The following GABRG3 variants were observed in gnomAD, a reference collection of about 807,000 sequenced individuals.
GABRG3 encodes gamma-aminobutyric acid type A receptor subunit gamma3.
Under a neutral mutation model 48.8 loss-of-function variants are expected in GABRG3, and 25 were observed. That is an observed-to-expected ratio of 0.51 (90% CI 0.37 to 0.72). The LOEUF (loss-of-function observed/expected upper bound fraction) is 0.72. GABRG3 is among the 30% of genes least tolerant of loss of function. The pLI, the probability that GABRG3 is intolerant of heterozygous loss-of-function variation, is 0.00. For synonymous variants in GABRG3, 227 were observed against 217.6 expected (o/e 1.04, Z -0.38); for missense variants, 394 against 577.9 (o/e 0.68, Z 3.26).
chr15:27,403,465 G>C (rs1052582392), intron 5 of GABRG3, among the ~76,000 whole-genome samples: 1 of 152,132 alleles, frequency 6.6e-6, no homozygotes, highest in Admixed American at 6.5e-5. Flanking sequence ...AACACACCTA[G>C]GTAATCAGCT....
intron 6 of GABRG3, 160 bp downstream of exon 6, chr15:27,480,947 T>C: frequency 7.1e-7 from 1 of 1,417,804 alleles, no homozygotes; most frequent in Non-Finnish European, 9.2e-7. Flanking sequence ...TTTTCATGTT[T>C]TAATTGGTAT....
chr15:27,201,328 A>C (rs969182179), intron 3 of GABRG3, among the ~76,000 whole-genome samples: 1 of 150,568 alleles, frequency 6.6e-6, no homozygotes, highest in Non-Finnish European at 1.5e-5. Context: ...ACCCGATGCC[A>C]GTGGGGCATG....
intron 3 of GABRG3, among the ~76,000 whole-genome samples, chr15:27,083,409 T>C (rs1331842792): frequency 6.6e-6 from 1 of 150,766 alleles, no homozygotes; most frequent in Non-Finnish European, 1.5e-5. Context: ...CTCTGTTCAC[T>C]GCAACCTCCG....
chr15:27,360,235 C>T (rs1775300152), intron 5 of GABRG3, among the ~76,000 whole-genome samples: 1 of 152,122 alleles, frequency 6.6e-6, no homozygotes, highest in Non-Finnish European at 1.5e-5. Context: ...ACACAGTGTT[C>T]ATCCAGCACG....
chr15:27,174,072 T>C (rs919927738), intron 3 of GABRG3, among the ~76,000 whole-genome samples: 1 of 152,086 alleles, frequency 6.6e-6, no homozygotes, highest in African/African-American at 2.4e-5. Flanking sequence ...TACTTGAGAA[T>C]TCATTGCTAA....
chr15:27,028,146 A>G lies in GABRG3; in HGVS notation c.270+1325A>G, dbSNP rs546849424. ...ATGTGGAAATCACGGGCTGCAGAGA[A>G]GGAGGCCGAGTGAGTGACAGGCTCC... On this transcript the variant is annotated intron_variant, in intron 3 of 9. Transcript: ENST00000615808. Among the ~76,000 whole-genome samples the G allele has an allele frequency of 2.0e-5, 3 of 152,300 alleles. No homozygotes were observed. The South Asian group carries it at 6.2e-4, about 32-fold the overall frequency.
chr15:27,010,902 A>G (rs530352193), intron 2 of GABRG3, among the ~76,000 whole-genome samples: 16 of 152,052 alleles, frequency 1.1e-4, no homozygotes, highest in African/African-American at 3.6e-4. Flanking sequence ...GTGGAGTGCA[A>G]TGGCGTAATC....
chr15:27,342,899 A>G (rs1001471202), intron 5 of GABRG3, among the ~76,000 whole-genome samples: 2 of 152,210 alleles, frequency 1.3e-5, no homozygotes, highest in African/African-American at 4.8e-5. Flanking sequence ...GTTGTTGCCC[A>G]TTCTGCTCAG....
At chr15:27,281,967 T>C (rs1025879076) in intron 3 of GABRG3, among the ~76,000 whole-genome samples, 11 of 152,152 alleles carry the variant, frequency 7.2e-5, no homozygotes, top group African/African-American at 2.2e-4. Context: ...TGTTTTGACC[T>C]TCATTCCTAA....
chr15:27,305,378 TAG>T (rs1216763159), intron 3 of GABRG3, among the ~76,000 whole-genome samples: 2 of 150,854 alleles, frequency 1.3e-5, no homozygotes, highest in Admixed American at 6.7e-5. Flanking sequence ...AATAAAGAAA[TAG>T]AGAGTCATAC....
chr15:27,203,637 G>A (rs1888760427), intron 3 of GABRG3, among the ~76,000 whole-genome samples: 1 of 152,114 alleles, frequency 6.6e-6, no homozygotes, highest in Non-Finnish European at 1.5e-5. Context: ...TACAGTGTCT[G>A]AACTAATTTA....
intron 3 of GABRG3, among the ~76,000 whole-genome samples, chr15:27,320,308 T>C (rs938399506): frequency 6.6e-6 from 1 of 152,184 alleles, no homozygotes; most frequent in African/African-American, 2.4e-5. Context: ...AAGGGGATGC[T>C]TTCCAAACAA....
chr15:26,977,175 A>G (rs1290321341), intron 2 of GABRG3, 25 bp downstream of exon 2: 3 of 1,599,982 alleles, frequency 1.9e-6, no homozygotes, highest in Middle Eastern at 1.9e-4. Context: ...TTGTTATTCT[A>G]ATAGAAAAAT....
chr15:27,451,123 A>G (rs1405240850), intron 5 of GABRG3, among the ~76,000 whole-genome samples: 1 of 152,194 alleles, frequency 6.6e-6, no homozygotes, highest in African/African-American at 2.4e-5. Context: ...GATCACCCAA[A>G]GTGATTCAGT....
At position 27,478,144 on chromosome 15, in the gene GABRG3, A is replaced by G. The variant is rs188475282; in HGVS notation, c.575-2506A>G. 4.6e-5 allele frequency among the ~76,000 whole-genome samples: 7 copies of G among 152,328 alleles called. No homozygotes were observed. In the East Asian group the frequency reaches 1.4e-3, roughly 29 times the overall value. ...ATGCCGCCAAATTGTGCCCTCAAAA[A>G]TGATTCAAATGATACACTTTACATT... On this transcript the variant is annotated intron_variant, in intron 5 of 9. Coordinates refer to ENST00000615808, the MANE Select transcript of GABRG3 (RefSeq NM_033223.5).
At chr15:27,308,669 A>G (rs995888850) in intron 3 of GABRG3, among the ~76,000 whole-genome samples, 1 of 149,774 alleles carries the variant, frequency 6.7e-6, no homozygotes, top group Non-Finnish European at 1.5e-5. Flanking sequence ...CATATAATGT[A>G]AACATACGCT....
intron 3 of GABRG3, among the ~76,000 whole-genome samples, chr15:27,162,933 A>G (rs1887244404): frequency 1.3e-5 from 2 of 152,158 alleles, no homozygotes; most frequent in African/African-American, 4.8e-5. Flanking sequence ...TCTAAAATGA[A>G]GAGCTCCACG....
chr15:27,199,051 G>A (rs1229070887), intron 3 of GABRG3, among the ~76,000 whole-genome samples: 2 of 152,078 alleles, frequency 1.3e-5, no homozygotes, highest in African/African-American at 4.8e-5. Context: ...TGTAGATGAT[G>A]GGTTGATGGG....
intron 9 of GABRG3, chr15:27,531,047 G>A (rs950385027): frequency 4.2e-6 from 1 of 239,124 alleles, no homozygotes; most frequent in Non-Finnish European, 8.4e-6. Context: ...ACCTAGAAGA[G>A]ATGTGTCCAC....
Sources: gnomAD v4.1 joint callset for allele counts (sites outside exome capture counted in the v4.1 genomes callset) on GRCh38, gnomAD v4.1.1 for gene constraint, MANE v1.5 for transcripts, NCBI Gene and HGNC (gene_info 2026-07-23, HGNC 2026-07-21) for gene names.